The following ABCA13 variants were observed in gnomAD, a reference collection of about 807,000 sequenced individuals.
ABCA13 encodes ATP-binding cassette sub-family A member 13.
ABCA13 carries 476 observed loss-of-function variants against 478.7 expected under a neutral mutation model. The ratio of observed to expected loss-of-function variants is 0.99; its 90% CI spans 0.92 to 1.07. The LOEUF (loss-of-function observed/expected upper bound fraction) is 1.07. Ranked by LOEUF, ABCA13 falls within the 50% of genes least tolerant of loss-of-function variation. ABCA13 has a pLI of 0.00. For synonymous variants in ABCA13, 2,252 were observed against 2,158.9 expected, an observed-to-expected ratio of 1.04 and a Z score of -1.20; for missense variants, 6,060 against 5,910.6, an observed-to-expected ratio of 1.03 and a Z score of -0.83.
chr7:48,206,186 G>A (rs1041946295), intron 3 of ABCA13, among the ~76,000 whole-genome samples: 3 of 152,202 alleles, frequency 2.0e-5, no homozygotes, highest in Non-Finnish European at 2.9e-5. Context: ...GTGGTTGGTT[G>A]TATTAGTATG....
chr7:48,448,335 A>G (rs1253048519), intron 42 of ABCA13, among the ~76,000 whole-genome samples: 2 of 152,222 alleles, frequency 1.3e-5, no homozygotes, highest in African/African-American at 4.8e-5. Context: ...TGCCTTGACC[A>G]GGTAGTATAA....
intron 7 of ABCA13, 145 bp downstream of exon 7, chr7:48,230,100 C>A: frequency 9.4e-7 from 1 of 1,065,756 alleles, no homozygotes; most frequent in Non-Finnish European, 1.3e-6. Context: ...TCTGTTAATA[C>A]AAGACAAAAA....
At chr7:48,338,951 A>T (rs1468315806) in intron 29 of ABCA13, among the ~76,000 whole-genome samples, 2 of 152,202 alleles carry the variant, frequency 1.3e-5, no homozygotes, top group Non-Finnish European at 2.9e-5. Context: ...CCATGAAATA[A>T]TCCATAGAGG....
chr7:48,537,185 C>T (rs866223836), intron 55 of ABCA13, among the ~76,000 whole-genome samples: 1 of 151,758 alleles, frequency 6.6e-6, no homozygotes, highest in African/African-American at 2.4e-5. Context: ...CTTCTTAATC[C>T]CCCACCATGC....
chr7:48,401,744 AAC>A lies in ABCA13; in HGVS notation c.11874-1908_11874-1907del, dbSNP rs55694821. On this transcript the variant is annotated intron_variant, in intron 38 of 61. Transcript: ENST00000435803. ...CTGCTCTTGGCTTCAAGAATTTTAAAACACACACACACACACACACACACACA... is the reference window on the plus strand; with the variant it reads ...CTGCTCTTGGCTTCAAGAATTTTAAAACACACACACACACACACACACACA... 3.5e-3 allele frequency among the ~76,000 whole-genome samples: 503 copies of A among 143,760 alleles called. 2 individuals carry two copies. Among genetic ancestry groups the A allele is most frequent in the South Asian group, 0.011 (51 of 4,526 alleles). The allele number at this position is 143,760 out of a possible 152,430, so 94.3% of individuals were successfully genotyped here.
At chr7:48,532,531 A>G (rs1000813505) in intron 55 of ABCA13, among the ~76,000 whole-genome samples, 2 of 152,030 alleles carry the variant, frequency 1.3e-5, no homozygotes, top group Admixed American at 6.6e-5. Context: ...TGATTTAGGG[A>G]GGATTCCCTC....
At chr7:48,339,337 A>T (rs1008903593) in intron 29 of ABCA13, among the ~76,000 whole-genome samples, 3 of 152,238 alleles carry the variant, frequency 2.0e-5, no homozygotes, top group African/African-American at 4.8e-5. Flanking sequence ...TTTTAAATGC[A>T]TTACATAATT....
At chr7:48,442,306 C>T (rs563260658) in intron 42 of ABCA13, among the ~76,000 whole-genome samples, 1 of 152,138 alleles carries the variant, frequency 6.6e-6, no homozygotes, top group Non-Finnish European at 1.5e-5. Flanking sequence ...AAACAACAGA[C>T]ATTCATTTCT....
chr7:48,316,724 C>T (rs1802642202), intron 26 of ABCA13, among the ~76,000 whole-genome samples: 1 of 152,186 alleles, frequency 6.6e-6, no homozygotes, highest in Non-Finnish European at 1.5e-5. Flanking sequence ...GCTGTTTCCA[C>T]TCATGGCAGA....
chr7:48,230,149 T>C (rs1032490065), intron 7 of ABCA13, among the ~76,000 whole-genome samples, 194 bp downstream of exon 7: 1 of 152,256 alleles, frequency 6.6e-6, no homozygotes, highest in Non-Finnish European at 1.5e-5. Context: ...AATTTGACTT[T>C]CTACCACTGT....
intron 48 of ABCA13, among the ~76,000 whole-genome samples, chr7:48,498,004 C>G (rs1302980608): frequency 6.6e-6 from 1 of 152,156 alleles, no homozygotes; most frequent in African/African-American, 2.4e-5. Context: ...GGAGGCTCAG[C>G]TCTTTGTTGG....
chr7:48,346,542 C>G (rs1192234957), intron 29 of ABCA13, among the ~76,000 whole-genome samples: 1 of 150,800 alleles, frequency 6.6e-6, no homozygotes, highest in Non-Finnish European at 1.5e-5. Flanking sequence ...GCACAATATA[C>G]TTTTTGGTTT....
At position 48,272,796 on chromosome 7, in the gene ABCA13, G is replaced by T. The variant is rs1795794662; in HGVS notation, c.3130G>T (p.Ala1044Ser). The T allele has an allele frequency of 3.1e-6, 5 of 1,605,032 alleles. No homozygotes were observed. Among genetic ancestry groups the T allele is most frequent in the South Asian group, 1.1e-5 (1 of 89,974 alleles). Residue 1044 changes from alanine (A) to serine (S), a missense_variant, in exon 17 of 62, where the codon GCC (alanine) becomes TCC (serine). Coordinates refer to ENST00000435803, the MANE Select transcript of ABCA13 (RefSeq NM_152701.5). Reference sequence around the variant, plus strand: ...AATTTTTAACTTTTTGGAGCTTCAGGCCCAATCCTTCATGTCTACAGAGGG... The same window carrying T: ...AATTTTTAACTTTTTGGAGCTTCAGTCCCAATCCTTCATGTCTACAGAGGG... ...LSIFNFLELQ[A>S]QSFMSTEGQE... is the part of the protein sequence containing the mutation.
chr7:48,360,479 G>T (rs1215207217), intron 31 of ABCA13, among the ~76,000 whole-genome samples: 1 of 151,974 alleles, frequency 6.6e-6, no homozygotes, highest in Non-Finnish European at 1.5e-5. Context: ...ATGCTCTCCT[G>T]ATAAGAGGAA....
chr7:48,389,840 C>G (rs1815772607), intron 37 of ABCA13, among the ~76,000 whole-genome samples: 1 of 152,168 alleles, frequency 6.6e-6, no homozygotes. Flanking sequence ...TATGAAATAT[C>G]TCTTTTGAAC....
chr7:48,378,760 C>T (rs1467485316), intron 35 of ABCA13, among the ~76,000 whole-genome samples: 1 of 152,226 alleles, frequency 6.6e-6, no homozygotes, highest in Non-Finnish European at 1.5e-5. Context: ...GATTTTACTT[C>T]ACAAGTCTCC....
chr7:48,407,746 T>C (rs62447261), intron 39 of ABCA13, among the ~76,000 whole-genome samples: 29,569 of 151,726 alleles, frequency 0.19, 3,255 homozygotes, highest in East Asian at 0.23. Context: ...TTAGTAGAGA[T>C]GGGGTTTCTG....
At chr7:48,225,536 A>G (rs1788086291) in intron 5 of ABCA13, among the ~76,000 whole-genome samples, 1 of 152,182 alleles carries the variant, frequency 6.6e-6, no homozygotes, top group South Asian at 2.1e-4. Context: ...CCTTAACAGC[A>G]AAAGAAAATC....
At chr7:48,332,389 A>C (rs970623894) in intron 27 of ABCA13, among the ~76,000 whole-genome samples, 1 of 152,250 alleles carries the variant, frequency 6.6e-6, no homozygotes. Context: ...GGCTTACCAC[A>C]GTTCATTGGC....
Sources: gnomAD v4.1 joint callset for allele counts (sites outside exome capture counted in the v4.1 genomes callset) on GRCh38, gnomAD v4.1.1 for gene constraint, MANE v1.5 for transcripts, NCBI Gene and HGNC (gene_info 2026-07-23, HGNC 2026-07-21) for gene names.